The following OCA2 variants were observed in gnomAD, a reference collection of about 807,000 sequenced individuals.
The protein encoded by OCA2 is P protein.
OCA2 carries 77 observed loss-of-function variants against 100.2 expected under a neutral mutation model. That is an observed-to-expected ratio of 0.77 (90% CI 0.64 to 0.93). The LOEUF (loss-of-function observed/expected upper bound fraction) is 0.93. Among genes scored for constraint, OCA2 ranks in the 40% least tolerant of loss-of-function variants. The pLI is 0.00. For synonymous variants in OCA2, 432 were observed against 439.2 expected (o/e 0.98, Z 0.21); for missense variants, 1,062 against 1,089.1 (o/e 0.98, Z 0.35).
chr15:27,833,635 A>G (rs1192856633), intron 23 of OCA2, among the ~76,000 whole-genome samples: 1 of 152,220 alleles, frequency 6.6e-6, no homozygotes, highest in Non-Finnish European at 1.5e-5. Flanking sequence ...TACCAAAAAC[A>G]AGTTACATAA....
chr15:27,972,697 A>G (rs768628237), intron 14 of OCA2, among the ~76,000 whole-genome samples: 6 of 150,222 alleles, frequency 4.0e-5, no homozygotes, highest in Non-Finnish European at 7.4e-5. Context: ...TTTTATTGGG[A>G]TTATTTTTTT....
chr15:27,952,011 C>T, intron 17 of OCA2, 119 bp from the exon 18 acceptor site: 1 of 774,400 alleles, frequency 1.3e-6, no homozygotes, highest in South Asian at 1.5e-5. Context: ...TGTAACCTCT[C>T]GAACTTGAAA....
chr15:27,726,300 AAAATAAATAAATAAATAAAT>A, the OCA2 span, among the ~76,000 whole-genome samples: 12,114 of 146,484 alleles, frequency 0.083, 1,734 homozygotes, highest in African/African-American at 0.29. Flanking sequence ...TCCAGCTCAA[AAAATAAATAAATAAATAAAT>A]AAATAAATAA....
At chr15:28,003,053 C>T (rs999750042) in intron 9 of OCA2, among the ~76,000 whole-genome samples, 23 of 152,214 alleles carry the variant, frequency 1.5e-4, no homozygotes, top group African/African-American at 5.5e-4. Context: ...GTGATGATGC[C>T]CAGCTGTGGG....
intron 19 of OCA2, among the ~76,000 whole-genome samples, chr15:27,893,374 AC>A (rs1170359224): frequency 6.6e-6 from 1 of 152,182 alleles, no homozygotes; most frequent in Non-Finnish European, 1.5e-5. Flanking sequence ...AAATCAGGGC[AC>A]CCTGAAAAAG....
intron 11 of OCA2, among the ~76,000 whole-genome samples, chr15:27,987,658 C>T (rs1410706804): frequency 1.2e-4 from 18 of 151,710 alleles, no homozygotes; most frequent in Admixed American, 9.8e-4. Context: ...GAACCCAGGA[C>T]GGGGAGCTTG....
intron 18 of OCA2, among the ~76,000 whole-genome samples, chr15:27,930,506 C>T (rs922541519): frequency 2.4e-4 from 36 of 151,718 alleles, no homozygotes; most frequent in Non-Finnish European, 4.9e-4. Context: ...TAAATATAAT[C>T]TTATTGAAAT....
the OCA2 span, among the ~76,000 whole-genome samples, chr15:27,730,570 C>T: frequency 6.7e-6 from 1 of 149,432 alleles, no homozygotes; most frequent in African/African-American, 2.6e-5. Flanking sequence ...AAGCTCCAAC[C>T]CTCTAATCAC....
At chr15:27,834,312 G>A (rs530435207) in intron 23 of OCA2, among the ~76,000 whole-genome samples, 2 of 152,198 alleles carry the variant, frequency 1.3e-5, no homozygotes, top group African/African-American at 4.8e-5. Flanking sequence ...GGAGGGTGGT[G>A]CATCTGCACT....
chr15:28,015,109 G>A (rs2042349996), intron 8 of OCA2, among the ~76,000 whole-genome samples, 180 bp from the exon 9 acceptor site: 1 of 152,158 alleles, frequency 6.6e-6, no homozygotes, highest in African/African-American at 2.4e-5. Flanking sequence ...CAGCCTCCCT[G>A]CAGCCAAGCC....
intron 9 of OCA2, among the ~76,000 whole-genome samples, chr15:28,010,099 C>A (rs1246583565): frequency 6.6e-6 from 1 of 151,352 alleles, no homozygotes; most frequent in Non-Finnish European, 1.5e-5. Context: ...TGAAAAAAAA[C>A]CATATGAGCA....
intron 22 of OCA2, 85 bp downstream of exon 22, chr15:27,851,297 A>T: frequency 1.8e-6 from 2 of 1,106,454 alleles, no homozygotes; most frequent in Non-Finnish European, 2.7e-6. Context: ...ATTTGCTTTT[A>T]ATCTGATACA....
intron 14 of OCA2, among the ~76,000 whole-genome samples, chr15:27,972,529 AATAATGGCC>A (rs1229747321): frequency 6.6e-6 from 1 of 152,170 alleles, no homozygotes; most frequent in Non-Finnish European, 1.5e-5. Flanking sequence ...TTGACTTTTT[AATAATGGCC>A]ATAATGGCCA....
chr15:27,980,424 G>A (rs2041121943), intron 14 of OCA2, among the ~76,000 whole-genome samples: 1 of 152,190 alleles, frequency 6.6e-6, no homozygotes, highest in African/African-American at 2.4e-5. Context: ...ACCGCGCACG[G>A]CCAGTAATTT....
the OCA2 span, among the ~76,000 whole-genome samples, chr15:27,725,625 G>A: frequency 6.6e-6 from 1 of 152,106 alleles, no homozygotes; most frequent in South Asian, 2.1e-4. Context: ...CGGGAGCAAA[G>A]TACAAATAGG....
intron 18 of OCA2, among the ~76,000 whole-genome samples, chr15:27,927,524 A>T (rs1359828274): frequency 6.6e-6 from 1 of 152,188 alleles, no homozygotes; most frequent in African/African-American, 2.4e-5. Flanking sequence ...ATACCTAGGA[A>T]TGAGATGGTT....
intron 18 of OCA2, 141 bp downstream of exon 18, chr15:27,951,643 T>C: frequency 1.4e-6 from 1 of 716,284 alleles, no homozygotes. Context: ...CAGGGCAGGC[T>C]GCCCACCCTC....
the OCA2 span, among the ~76,000 whole-genome samples, chr15:27,747,784 T>C: frequency 2.4e-4 from 37 of 152,152 alleles, no homozygotes; most frequent in African/African-American, 8.7e-4. Flanking sequence ...ATCACATGAG[T>C]TCTTTCTCAA....
chr15:28,032,091 C>T lies in OCA2; in HGVS notation c.300G>A (p.Leu100=). 2 of 1,613,906 alleles carry T rather than the reference C, an allele frequency of 1.2e-6. No individual in the cohort carries two copies. Among genetic ancestry groups the T allele is most frequent in the Non-Finnish European group, 1.7e-6 (2 of 1,179,820 alleles). ...CTTTCTCCTGTAAGGAATTCCTCAG[C>T]AAAGGAGTGTTTTCTGTAAAGCAGG... ...KDSCFTENTP[L]LRNSLQEKGS... is the part of the protein sequence containing the mutation. Residue 100 remains leucine (L), a synonymous_variant, in exon 3 of 24, where the codon TTG becomes TTA. Coordinates refer to ENST00000354638, the MANE Select transcript of OCA2 (RefSeq NM_000275.3).
Sources: allele counts gnomAD v4.1 joint callset (sites outside exome capture counted in the v4.1 genomes callset), GRCh38; gene constraint gnomAD v4.1.1; transcripts MANE v1.5; gene names NCBI Gene and HGNC (gene_info 2026-07-23, HGNC 2026-07-21).